The following DNAH5 variants were observed in gnomAD, a reference collection of about 807,000 sequenced individuals.
DNAH5 encodes axonemal beta dynein heavy chain 5.
A neutral mutation model predicts 518.2 loss-of-function variants in DNAH5; 372 were observed. The ratio of observed to expected loss-of-function variants is 0.72; its 90% CI spans 0.66 to 0.78. The LOEUF (loss-of-function observed/expected upper bound fraction) is 0.78, where lower values mean the gene tolerates loss of function less well. DNAH5 is among the 30% of genes least tolerant of loss of function. The pLI is 0.00. For missense variants in DNAH5, 5,523 were observed against 5,687.0 expected, an observed-to-expected ratio of 0.97 and a Z score of 0.93; for synonymous variants, 2,039 against 2,025.9, an observed-to-expected ratio of 1.01 and a Z score of -0.17.
At chr5:13,967,438 T>C (rs939552723) in intron 1 of DNAH5, among the ~76,000 whole-genome samples, 14 of 152,212 alleles carry the variant, frequency 9.2e-5, no homozygotes, top group African/African-American at 2.9e-4. Flanking sequence ...TAGGGTGCTC[T>C]TCCCTGCTTT....
At chr5:13,762,344 T>C (rs1751898340) in intron 60 of DNAH5, among the ~76,000 whole-genome samples, 1 of 149,560 alleles carries the variant, frequency 6.7e-6, no homozygotes, top group South Asian at 2.1e-4. Context: ...ACCTCACTCA[T>C]AGGATTCTCT....
At chr5:13,865,932 A>G (rs1769182362) in intron 26 of DNAH5, 26 bp from the exon 27 acceptor site, 1 of 1,417,044 alleles carries the variant, frequency 7.1e-7, no homozygotes, top group African/African-American at 1.4e-5. Context: ...GTGAAAACGC[A>G]TCAAAATGAT....
At chr5:13,743,218 G>A (rs547613023) in intron 65 of DNAH5, among the ~76,000 whole-genome samples, 1 of 152,142 alleles carries the variant, frequency 6.6e-6, no homozygotes, top group South Asian at 2.1e-4. Context: ...AGAGATAGAT[G>A]ATAGATAAAA....
intron 7 of DNAH5, among the ~76,000 whole-genome samples, chr5:13,918,061 T>C (rs1326693447): frequency 6.6e-6 from 1 of 152,222 alleles, no homozygotes; most frequent in East Asian, 1.9e-4. Context: ...TCCTTGATCA[T>C]GGGCTGAATC....
At chr5:13,699,927 CA>C (rs981114223) in intron 78 of DNAH5, among the ~76,000 whole-genome samples, 9 of 151,910 alleles carry the variant, frequency 5.9e-5, no homozygotes, top group Non-Finnish European at 1.3e-4. Context: ...TGAAAGGTGA[CA>C]AAAAAAGCCT....
rs1776619035 is a variant in DNAH5 at position 13,916,139 on chromosome 5, A to G, written c.1197+209T>C. 2.0e-5 allele frequency among the ~76,000 whole-genome samples: 3 copies of G among 151,738 alleles called. 1 individual carries two copies. The South Asian group carries it at 6.2e-4, about 31-fold the overall frequency. On this transcript the variant is annotated intron_variant, in intron 9 of 78. Coordinates refer to ENST00000265104, the MANE Select transcript of DNAH5 (RefSeq NM_001369.3). ...TATAAATAATAAAATATTTATTATAATAATTACTTTGGGAAATAATGCTTT... is the reference window on the plus strand; with the variant it reads ...TATAAATAATAAAATATTTATTATAGTAATTACTTTGGGAAATAATGCTTT...
intron 1 of DNAH5, among the ~76,000 whole-genome samples, chr5:13,982,593 CAT>C (rs141920005): frequency 0.057 from 4,518 of 79,868 alleles, 282 homozygotes; most frequent in South Asian, 0.14. Flanking sequence ...CATGAGTAGA[CAT>C]ATGCACTATT....
chr5:13,705,192 C>T (rs1459098871), intron 76 of DNAH5, among the ~76,000 whole-genome samples: 1 of 152,052 alleles, frequency 6.6e-6, no homozygotes, highest in Non-Finnish European at 1.5e-5. Flanking sequence ...GACGGGGTTT[C>T]ACCGTGCTAG....
intron 74 of DNAH5, among the ~76,000 whole-genome samples, chr5:13,716,265 G>C (rs1744268277): frequency 6.6e-6 from 1 of 151,854 alleles, no homozygotes; most frequent in South Asian, 2.1e-4. Context: ...AAAAGAGGGG[G>C]GATGGAAACA....
chr5:13,817,504 T>C (rs1228373365), intron 42 of DNAH5, 44 bp downstream of exon 42: 2 of 1,594,526 alleles, frequency 1.3e-6, no homozygotes, highest in African/African-American at 1.3e-5. Context: ...AAGGATTCTA[T>C]CTAGAAGTAT....
intron 30 of DNAH5, among the ~76,000 whole-genome samples, chr5:13,856,180 A>C (rs144948458): frequency 0.062 from 9,389 of 152,168 alleles, 306 homozygotes; most frequent in African/African-American, 0.079. Flanking sequence ...GACATGAAAA[A>C]CCCTTCAAAA....
At position 13,991,198 on chromosome 5, in the gene DNAH5, G is replaced by A. The variant is rs959547055; in HGVS notation, c.12+20450C>T. ...TTGTGAAAAGAGGGAAAGGGAAAAT[G>A]CCTAAGCTAAGAGCAAAGCAAACCT... On this transcript the variant is annotated intron_variant, in intron 1 of 78. Coordinates refer to the DNAH5 transcript ENST00000681290. Among the ~76,000 whole-genome samples the A allele has an allele frequency of 1.6e-4, 24 of 152,154 alleles. 1 individual carries two copies.
chr5:13,936,939 G>A (rs1438851003), intron 1 of DNAH5, among the ~76,000 whole-genome samples: 3 of 152,042 alleles, frequency 2.0e-5, no homozygotes, highest in Admixed American at 2.0e-4. Context: ...CTCCTGAAGT[G>A]TATATTTTGC....
chr5:13,912,369 A>G (rs1207932453), intron 11 of DNAH5, among the ~76,000 whole-genome samples: 1 of 152,048 alleles, frequency 6.6e-6, no homozygotes, highest in Non-Finnish European at 1.5e-5. Flanking sequence ...CTACTTTTTC[A>G]TGCTGCATAA....
chr5:13,810,767 A>AC lies in DNAH5; in HGVS notation c.7408-508_7408-507insG, dbSNP rs201365608. On this transcript the variant is annotated intron_variant, in intron 44 of 78. Transcript: ENST00000265104. The stretch of plus-strand genomic sequence containing the variant: ...AGACTCCATGTCAAAAAACAAAACA[A>AC]ACAAACAAAAAAACAGGGTTTATCG... Among the ~76,000 whole-genome samples, 1,286 of 135,688 alleles carry AC rather than the reference A, an allele frequency of 9.5e-3. 22 individuals are homozygous for AC. The highest frequency in any genetic ancestry group is 0.031 in the African/African-American group (1,150 of 37,070). 89.0% of individuals were successfully genotyped at this position (135,688 alleles called of 152,430 possible).
intron 3 of DNAH5, 34 bp from the exon 4 acceptor site, chr5:13,923,474 G>A (rs1777524150): frequency 1.2e-6 from 2 of 1,612,200 alleles, no homozygotes; most frequent in Non-Finnish European, 1.7e-6. Flanking sequence ...TTTCACAAAT[G>A]CTTTTTGCAG....
chr5:13,829,839 T>TGAGACA (rs1431377289), intron 37 of DNAH5, 135 bp from the exon 38 acceptor site: 1 of 1,123,104 alleles, frequency 8.9e-7, no homozygotes, highest in Non-Finnish European at 1.3e-6. Context: ...TCAATCTCGT[T>TGAGACA]TTACCTGGAC....
intron 1 of DNAH5, among the ~76,000 whole-genome samples, chr5:13,943,733 A>C (rs981574561): frequency 3.3e-5 from 5 of 152,214 alleles, no homozygotes; most frequent in African/African-American, 7.2e-5. Flanking sequence ...GGATACACAA[A>C]AAGACACAGT....
intron 5 of DNAH5, 66 bp from the exon 6 acceptor site, chr5:13,920,683 T>A: frequency 1.3e-6 from 2 of 1,586,882 alleles, no homozygotes; most frequent in South Asian, 2.2e-5. Context: ...GTGGGCCCTG[T>A]GTTTTCCACT....
Sources: allele counts gnomAD v4.1 joint callset (sites outside exome capture counted in the v4.1 genomes callset), GRCh38; gene constraint gnomAD v4.1.1; transcripts MANE v1.5; gene names NCBI Gene and HGNC (gene_info 2026-07-23, HGNC 2026-07-21).